The following ZNF23 variants were observed in gnomAD, a reference collection of about 807,000 sequenced individuals.
The protein encoded by ZNF23 is kruppel-like zinc finger factor X31.
Under a neutral mutation model 56.2 loss-of-function variants are expected in ZNF23, and 48 were observed. The ratio of observed to expected loss-of-function variants is 0.85; its 90% confidence interval spans 0.68 to 1.09. The LOEUF (loss-of-function observed/expected upper bound fraction) is 1.09. Among genes scored for constraint, ZNF23 ranks in the 50% least tolerant of loss-of-function variants. The pLI is 0.00. For synonymous variants in ZNF23, 266 were observed against 283.3 expected, an observed-to-expected ratio of 0.94 and a Z score of 0.61; for missense variants, 805 against 811.4, an observed-to-expected ratio of 0.99 and a Z score of 0.10.
At chr16:71,458,766 CCAA>C (rs1282681709) in intron 1 of ZNF23, among the ~76,000 whole-genome samples, 1 of 152,168 alleles carries the variant, frequency 6.6e-6, no homozygotes, top group Non-Finnish European at 1.5e-5. Flanking sequence ...CTGGCAGGAG[CCAA>C]AATCAGCTGG....
chr16:71,455,944 G>A (rs1008224118), intron 2 of ZNF23: 3 of 447,532 alleles, frequency 6.7e-6, no homozygotes, highest in African/African-American at 2.0e-5. Flanking sequence ...GGTGGAAAGA[G>A]TACAACACAG....
At position 71,448,411 on chromosome 16, in the gene ZNF23, C is replaced by A; in HGVS notation, c.1743G>T (p.Glu581Asp). ...GEKPFKCMEC[E>D]KAFSCSSNYI... ...AGTTAGAACTACAGCTGAATGCTTT[C>A]TCACATTCCATACATTTGAAAGGTT... Residue 581 changes from glutamate (E) to aspartate (D), a missense_variant, in exon 5 of 5, where the codon GAG becomes GAT. Transcript: ENST00000647773. The A allele has an allele frequency of 1.2e-6, 2 of 1,614,184 alleles. No individual in the cohort carries two copies. Among genetic ancestry groups the A allele is most frequent in the Non-Finnish European group, 1.7e-6 (2 of 1,180,020 alleles).
chr16:71,454,708 C>A (rs2043164935), intron 2 of ZNF23, among the ~76,000 whole-genome samples: 1 of 152,206 alleles, frequency 6.6e-6, no homozygotes, highest in South Asian at 2.1e-4. Flanking sequence ...AAGGATGCTC[C>A]ATGCTGCCCA....
At chr16:71,455,973 T>C (rs531656071) in intron 2 of ZNF23, 14 of 455,718 alleles carry the variant, frequency 3.1e-5, no homozygotes, top group African/African-American at 6.0e-5. Flanking sequence ...ACAGAGGCGG[T>C]TGTCAGGACC....
At chr16:71,460,127 G>C (rs920961966) in intron 1 of ZNF23, among the ~76,000 whole-genome samples, 4 of 152,148 alleles carry the variant, frequency 2.6e-5, no homozygotes, top group African/African-American at 7.2e-5. Flanking sequence ...AAGTCTCATC[G>C]TTTAAATGCA....
rs149618249 is a variant in ZNF23, at chr16:71,448,174, C to T, written c.1980G>A (p.Met660Ile). 2 of 1,614,082 alleles carry T rather than the reference C, an allele frequency of 1.2e-6. No homozygotes were observed. Among genetic ancestry groups the T allele is most frequent in the East Asian group, 2.2e-5 (1 of 44,902 alleles). The change falls in exon 5 of 5, where the codon ATG (methionine) becomes ATA (isoleucine). Residue 660 changes from methionine to isoleucine, a missense_variant. Coordinates refer to ENST00000647773, the MANE Select transcript of ZNF23 (RefSeq NM_001381984.1). ...TGAATGCTTTCCCACACACACTACA[C>T]ATATAGGGTTTCTTCCAAGTGTGGA... Reference protein sequence around the residue: ...QTVHTWKKPYMCSVCGKAFRF... With the variant: ...QTVHTWKKPYICSVCGKAFRF...
chr16:71,448,112 T>C lies in ZNF23; in HGVS notation c.2042A>G (p.His681Arg). The C allele has an allele frequency of 6.2e-7, 1 of 1,604,136 alleles. No individual in the cohort carries two copies. The highest frequency in any genetic ancestry group is 8.5e-7 in the Non-Finnish European group (1 of 1,176,096). ...TCATTATTAGGATTTTCCTTCACTA[T>C]GGACACTCTGATGCTGACTGAGCTG... Reference protein sequence around the residue: ...SFQLSQHQSVHSEGKS With the variant: ...SFQLSQHQSVRSEGKS The change falls in exon 5 of 5, where the codon CAT (histidine) becomes CGT (arginine). Residue 681 changes from histidine (H) to arginine (R), a missense_variant. Physicochemically the swap from His to Arg is conservative, Grantham distance 29. Transcript: ENST00000647773.
chr16:71,450,718 C>CAAAA, intron 4 of ZNF23: 2 of 352,856 alleles, frequency 5.7e-6, no homozygotes, highest in Non-Finnish European at 1.1e-5. Flanking sequence ...GACTCCATCT[C>CAAAA]AAAAAAAAAA....
At position 71,449,751 on chromosome 16, in the gene ZNF23, C is replaced by T. The variant is rs747202437; in HGVS notation, c.403G>A (p.Val135Ile). The T allele has an allele frequency of 6.2e-7, 1 of 1,613,964 alleles. No homozygotes were observed. Residue 135 changes from valine (V) to isoleucine (I), a missense_variant, in exon 5 of 5, where the codon GTC (valine) becomes ATC (isoleucine). By Grantham distance (29) the Val-to-Ile change is conservative. Transcript: ENST00000647773. ...TTCTTTATATTTCCTGCTGAGTGGA[C>T]TTCCTGTTGTTTCTCTAGAAGAGAG... ...EASLLEKQQE[V>I]HSAGNIKKEK...
intron 1 of ZNF23, 61 bp from the exon 2 acceptor site, chr16:71,456,889 G>T: frequency 1.5e-6 from 1 of 662,676 alleles, no homozygotes; most frequent in Non-Finnish European, 1.9e-6. Context: ...GAGCAACATA[G>T]CCCCTCACAG....
At chr16:71,450,497 T>C (rs2043018254) in intron 4 of ZNF23, 2 of 273,956 alleles carry the variant, frequency 7.3e-6, no homozygotes, top group Non-Finnish European at 1.5e-5. Context: ...AGCAGGCAGA[T>C]TGCCTGAGCT....
intron 1 of ZNF23, among the ~76,000 whole-genome samples, chr16:71,457,288 G>C (rs992620328): frequency 2.6e-5 from 4 of 152,086 alleles, no homozygotes; most frequent in Non-Finnish European, 4.4e-5. Flanking sequence ...AATTAGGCTG[G>C]GCGCGGTGGC....
chr16:71,454,235 G>A, intron 2 of ZNF23, 67 bp from the exon 3 acceptor site: 2 of 1,562,094 alleles, frequency 1.3e-6, no homozygotes, highest in Non-Finnish European at 1.7e-6. Context: ...GAGGGGCAGA[G>A]CGCAGTATAA....
intron 1 of ZNF23, among the ~76,000 whole-genome samples, chr16:71,460,463 C>G (rs2145142472): frequency 6.6e-6 from 1 of 152,288 alleles, no homozygotes; most frequent in East Asian, 1.9e-4. Flanking sequence ...TCAGATGTGT[C>G]ATGAGCAAAT....
At chr16:71,452,252 C>A (rs1336561053) in intron 4 of ZNF23, 1 of 152,166 alleles carries the variant, frequency 6.6e-6, no homozygotes. Context: ...CCAAAACATG[C>A]CTTCTTTGGT....
chr16:71,448,269 T>G lies in ZNF23; in HGVS notation c.1885A>C (p.Lys629Gln). Residue 629 changes from lysine to glutamine, a missense_variant, in exon 5 of 5, where the codon AAA (lysine) becomes CAA (glutamine). Coordinates refer to ENST00000647773, the MANE Select transcript of ZNF23 (RefSeq NM_001381984.1). ...IRHQRSHTGEKPFRCVECGKG... is the reference protein window; with the variant it reads ...IRHQRSHTGEQPFRCVECGKG... ...CCACATTCCACACATCTGAAGGGTTTCTCCCCAGTGTGGCTTCTCTGATGC... is the reference window on the plus strand; with the variant it reads ...CCACATTCCACACATCTGAAGGGTTGCTCCCCAGTGTGGCTTCTCTGATGC... The G allele has an allele frequency of 1.9e-6, 3 of 1,614,230 alleles. No individual in the cohort carries two copies. The highest frequency in any genetic ancestry group is 2.5e-6 in the Non-Finnish European group (3 of 1,180,030).
rs2043144568 is a variant in ZNF23 at position 71,454,132 on chromosome 16, T to C, written c.70A>G (p.Thr24Ala). Residue 24 changes from threonine to alanine, a missense_variant, in exon 3 of 5, where the codon ACC becomes GCC. Transcript: ENST00000647773. ...GACAGGCCATCCCATTCCGCCTGGGTGAAGTACACAGCCACGTCCTCAAAG... is the reference window on the plus strand; with the variant it reads ...GACAGGCCATCCCATTCCGCCTGGGCGAAGTACACAGCCACGTCCTCAAAG... ...VTFEDVAVYFTQAEWDGLSPA... is the reference protein window; with the variant it reads ...VTFEDVAVYFAQAEWDGLSPA... 1.2e-6 allele frequency: 2 copies of C among 1,613,916 alleles called. No individual in the cohort carries two copies. Among genetic ancestry groups the C allele is most frequent in the Non-Finnish European group, 1.7e-6 (2 of 1,179,956 alleles).
Position 71,449,387 on chromosome 16 carries a change from C to T in ZNF23, c.767G>A (p.Trp256Ter). The T allele has an allele frequency of 6.2e-7, 1 of 1,614,212 alleles. No individual in the cohort carries two copies. The highest frequency in any genetic ancestry group is 8.5e-7 in the Non-Finnish European group (1 of 1,180,046). Residue 256 changes from tryptophan (W) to a stop codon, truncating the protein, a stop_gained, in exon 5 of 5, where the codon TGG (tryptophan) becomes TAG (stop). Coordinates refer to ENST00000647773, the MANE Select transcript of ZNF23 (RefSeq NM_001381984.1). LOFTEE classifies it high-confidence loss of function. ...KAFSINEKLI[W>*]HQRLHSGEKP... ...CTCCCCACTGTGAAGTCTCTGATGC[C>T]AAATTAATTTCTCATTAATGCTGAA... is the stretch of plus-strand genomic sequence containing the variant.
Position 71,447,931 on chromosome 16 carries a change from C to T in ZNF23, c.*162G>A, listed in dbSNP as rs2042904003. On this transcript the variant is annotated 3_prime_UTR_variant, in exon 5 of 5. Coordinates refer to ENST00000647773, the MANE Select transcript of ZNF23 (RefSeq NM_001381984.1). ...GCTATTTTTGGATGTTTCTCTTTAACTGGTCATCCTTTCCTGATTTAAACT... is the reference window on the plus strand; with the variant it reads ...GCTATTTTTGGATGTTTCTCTTTAATTGGTCATCCTTTCCTGATTTAAACT... 2.0e-6 allele frequency: 1 copy of T among 494,188 alleles called. No individual in the cohort carries two copies. The highest frequency in any genetic ancestry group is 3.2e-5 in the East Asian group (1 of 31,004). 30.6% of individuals were successfully genotyped at this position (494,188 alleles called of 1,614,324 possible). A position where few individuals can be genotyped will look rare whatever the true frequency, so the allele number is the denominator to read the frequency against.
Sources: allele counts gnomAD v4.1 joint callset (sites outside exome capture counted in the v4.1 genomes callset), GRCh38; gene constraint gnomAD v4.1.1; transcripts MANE v1.5; gene names NCBI Gene and HGNC (gene_info 2026-07-23, HGNC 2026-07-21).